Variants in RIMS2 observed in about 807,000 individuals in gnomAD.
RIMS2 encodes the protein regulating synaptic membrane exocytosis 2.
RIMS2 carries 59 observed loss-of-function variants against 174.4 expected under a neutral mutation model. The observed-to-expected ratio is 0.34, with a 90% CI of 0.27 to 0.42. RIMS2 has a LOEUF of 0.42. Ranked by LOEUF, RIMS2 falls within the 10% of genes least tolerant of loss-of-function variation. RIMS2 has a pLI of 1.00. For synonymous variants in RIMS2, 606 were observed against 572.5 expected (o/e 1.06, Z -0.84); for missense variants, 1,620 against 1,666.3 (o/e 0.97, Z 0.48).
chr8:103,829,165 A>C (rs1053088889), intron 3 of RIMS2, among the ~76,000 whole-genome samples: 12 of 151,550 alleles, frequency 7.9e-5, no homozygotes, highest in African/African-American at 2.7e-4. Context: ...TAATCATTAG[A>C]GAAATGCAAA....
At chr8:104,127,819 C>A (rs995497488) in intron 19 of RIMS2, among the ~76,000 whole-genome samples, 1 of 152,120 alleles carries the variant, frequency 6.6e-6, no homozygotes, top group Non-Finnish European at 1.5e-5. Context: ...CTTACAAAAT[C>A]ATGTACTACT....
chr8:103,619,707 A>G (rs1245659222), intron 1 of RIMS2, among the ~76,000 whole-genome samples: 1 of 152,128 alleles, frequency 6.6e-6, no homozygotes, highest in Non-Finnish European at 1.5e-5. Flanking sequence ...ACACAGAACA[A>G]AGACCAACCA....
intron 19 of RIMS2, among the ~76,000 whole-genome samples, chr8:104,139,535 T>C (rs2098549544): frequency 6.6e-6 from 1 of 152,170 alleles, no homozygotes; most frequent in Admixed American, 6.6e-5. Flanking sequence ...ATATGTGAGA[T>C]TACTTTCTTG....
chr8:103,538,491 T>TC (rs1296523021), intron 1 of RIMS2, among the ~76,000 whole-genome samples: 13 of 135,924 alleles, frequency 9.6e-5, no homozygotes, highest in Admixed American at 2.9e-4. Context: ...CCTCCACTCT[T>TC]CCCCCCCAAG....
intron 1 of RIMS2, among the ~76,000 whole-genome samples, chr8:103,595,583 A>AAG (rs2094451046): frequency 6.6e-6 from 1 of 151,942 alleles, no homozygotes; most frequent in Non-Finnish European, 1.5e-5. Flanking sequence ...GGAAAATTCC[A>AAG]AGAGAGAGAC....
intron 19 of RIMS2, chr8:104,223,470 G>A: frequency 1.5e-6 from 2 of 1,373,078 alleles, no homozygotes; most frequent in Non-Finnish European, 9.3e-7. Flanking sequence ...TGGAGGTCCC[G>A]GCGGCCAGGA....
Position 103,776,719 on chromosome 8 carries a change from A to G in RIMS2, c.698+10182A>G, listed in dbSNP as rs2098322212. 2.0e-5 allele frequency among the ~76,000 whole-genome samples: 3 copies of G among 152,270 alleles called. No individual in the cohort carries two copies. In the South Asian group the frequency reaches 6.2e-4, roughly 32 times the overall value. On this transcript the variant is annotated intron_variant, in intron 3 of 23. Transcript: ENST00000504942. The stretch of plus-strand genomic sequence containing the variant: ...AGTCACAGAATACATCCTTGCAAAA[A>G]GAAAAAAATAAACCTGTTGAAGAAG...
At chr8:104,008,485 TTGTGTG>T (rs150330985) in intron 17 of RIMS2, among the ~76,000 whole-genome samples, 3 of 148,344 alleles carry the variant, frequency 2.0e-5, no homozygotes, top group East Asian at 2.0e-4. Flanking sequence ...TCTTATATGT[TTGTGTG>T]TGTGTGTGTG....
Position 104,050,244 on chromosome 8 carries a change from T to A in RIMS2, c.3334+35629T>A, listed in dbSNP as rs1376780846. On this transcript the variant is annotated intron_variant, in intron 19 of 23. Coordinates refer to ENST00000504942, the Ensembl canonical transcript of RIMS2. The stretch of plus-strand genomic sequence containing the variant: ...ATTTGTTCAACAAGCAGCTACTAAA[T>A]ATATACGTATCAGGCCTTATTCTAG... Among the ~76,000 whole-genome samples, 6 of 152,158 alleles carry A rather than the reference T, an allele frequency of 3.9e-5. No individual in the cohort carries two copies. In the East Asian group the frequency reaches 1.2e-3, roughly 29 times the overall value.
chr8:103,981,239 G>A (rs1446868034), intron 16 of RIMS2, among the ~76,000 whole-genome samples: 1 of 152,156 alleles, frequency 6.6e-6, no homozygotes, highest in East Asian at 1.9e-4. Flanking sequence ...CAGAGAGAGA[G>A]AAAGAGACTC....
chr8:103,562,117 T>A (rs1036475343), intron 1 of RIMS2, among the ~76,000 whole-genome samples: 1 of 152,146 alleles, frequency 6.6e-6, no homozygotes, highest in Admixed American at 6.5e-5. Flanking sequence ...CCAAACCATA[T>A]CATTTCACCC....
chr8:103,878,389 T>A (rs756061220), intron 3 of RIMS2, among the ~76,000 whole-genome samples: 2 of 151,936 alleles, frequency 1.3e-5, no homozygotes, highest in African/African-American at 2.4e-5. Context: ...CTTGTGTATG[T>A]TGAATCATCC....
chr8:103,775,573 A>G (rs1336098682), intron 3 of RIMS2, among the ~76,000 whole-genome samples: 1 of 152,138 alleles, frequency 6.6e-6, no homozygotes, highest in African/African-American at 2.4e-5. Flanking sequence ...GCATATGATG[A>G]ATGAGAGAAA....
At chr8:103,873,622 G>A (rs1180028525) in intron 3 of RIMS2, among the ~76,000 whole-genome samples, 1 of 152,000 alleles carries the variant, frequency 6.6e-6, no homozygotes, top group Non-Finnish European at 1.5e-5. Flanking sequence ...GCCTTAAATA[G>A]AACAAGCCCA....
At chr8:104,160,332 A>T (rs2098753557) in intron 19 of RIMS2, among the ~76,000 whole-genome samples, 1 of 152,220 alleles carries the variant, frequency 6.6e-6, no homozygotes, top group Non-Finnish European at 1.5e-5. Flanking sequence ...TGTATGAATA[A>T]ATGAGTGAAC....
intron 1 of RIMS2, among the ~76,000 whole-genome samples, chr8:103,532,855 A>G (rs1385725866): frequency 6.6e-6 from 1 of 152,250 alleles, no homozygotes; most frequent in African/African-American, 2.4e-5. Flanking sequence ...AAAAGAAGAG[A>G]AACAAAAAAA....
intron 14 of RIMS2, among the ~76,000 whole-genome samples, chr8:103,944,797 A>G (rs1410050862): frequency 1.3e-5 from 2 of 152,116 alleles, no homozygotes; most frequent in South Asian, 2.1e-4. Context: ...ACTAACCTCT[A>G]ATAAATAATT....
intron 2 of RIMS2, among the ~76,000 whole-genome samples, chr8:103,736,422 T>C (rs2097686300): frequency 6.6e-6 from 1 of 152,202 alleles, no homozygotes; most frequent in Admixed American, 6.5e-5. Context: ...GCCAGTTTAT[T>C]AGCTTGAACT....
At chr8:104,185,853 A>T (rs1159962419) in intron 19 of RIMS2, among the ~76,000 whole-genome samples, 1 of 151,722 alleles carries the variant, frequency 6.6e-6, no homozygotes, top group Admixed American at 6.6e-5. Context: ...TCGAATTACC[A>T]TTCAATCCAG....
Sources: gnomAD v4.1 joint callset for allele counts (sites outside exome capture counted in the v4.1 genomes callset) on GRCh38, gnomAD v4.1.1 for gene constraint, MANE v1.5 for transcripts, NCBI Gene and HGNC (gene_info 2026-07-23, HGNC 2026-07-21) for gene names.